The following HSF2BP variants were observed in gnomAD, a reference collection of about 807,000 sequenced individuals.
HSF2BP encodes the protein heat shock transcription factor 2 binding protein, also known as heat shock factor 2-binding protein.
HSF2BP carries 35 observed loss-of-function variants against 35.0 expected under a neutral mutation model. The observed-to-expected ratio is 1.00, with a 90% CI of 0.76 to 1.32. The LOEUF is 1.32. Among genes scored for constraint, HSF2BP ranks in the 40% most tolerant of loss-of-function variants. The pLI, the probability that HSF2BP is intolerant of heterozygous loss-of-function variation, is 0.00. For synonymous variants in HSF2BP, 114 were observed against 117.4 expected (o/e 0.97, Z 0.18); for missense variants, 326 against 321.7 (o/e 1.01, Z -0.10).
intron 6 of HSF2BP, among the ~76,000 whole-genome samples, chr21:43,615,804 T>C (rs1207946122): frequency 6.6e-6 from 1 of 152,096 alleles, no homozygotes; most frequent in Non-Finnish European, 1.5e-5. Flanking sequence ...CAGAAACACA[T>C]AAAAGATAGC....
chr21:43,578,885 G>A lies in HSF2BP; in HGVS notation c.796+13340C>T, dbSNP rs952616891. ...GGGCACTCTGGCTTAGGAGGGGCAT[G>A]AGCCAGAAGAGAAGACTAGTTGTGT... On this transcript the variant is annotated intron_variant, in intron 8 of 8. Transcript: ENST00000291560. 5.9e-5 allele frequency among the ~76,000 whole-genome samples: 9 copies of A among 152,336 alleles called. 1 individual carries two copies. The South Asian group carries it at 1.9e-3, about 32-fold the overall frequency.
chr21:43,614,289 G>A (rs953476274), intron 6 of HSF2BP, among the ~76,000 whole-genome samples: 1 of 151,700 alleles, frequency 6.6e-6, no homozygotes, highest in Non-Finnish European at 1.5e-5. Context: ...CTTGAGCCTA[G>A]GAGGTAGAGG....
At chr21:43,585,449 G>A (rs2146746118) in intron 8 of HSF2BP, among the ~76,000 whole-genome samples, 1 of 152,266 alleles carries the variant, frequency 6.6e-6, no homozygotes, top group East Asian at 1.9e-4. Flanking sequence ...GAGACCTATA[G>A]GAAGCTCTCA....
At chr21:43,612,293 A>G in intron 7 of HSF2BP, among the ~76,000 whole-genome samples, 1 of 152,182 alleles carries the variant, frequency 6.6e-6, no homozygotes, top group Non-Finnish European at 1.5e-5. Flanking sequence ...ATCAAGAGAC[A>G]CCGAGGCCAG....
chr21:43,651,103 AGCT>A (rs2082779736), intron 3 of HSF2BP, among the ~76,000 whole-genome samples: 1 of 152,202 alleles, frequency 6.6e-6, no homozygotes, highest in Admixed American at 6.5e-5. Flanking sequence ...CCAGAAGCTA[AGCT>A]GCTGGGCTGT....
intron 8 of HSF2BP, among the ~76,000 whole-genome samples, chr21:43,582,442 C>T (rs1249650265): frequency 6.9e-6 from 1 of 145,950 alleles, no homozygotes; most frequent in African/African-American, 2.6e-5. Context: ...AGATGAGTAC[C>T]TGTTGAGGGA....
chr21:43,597,483 A>T lies in HSF2BP; in HGVS notation c.693-5155T>A, dbSNP rs1299829726. Among the ~76,000 whole-genome samples, 1 of 152,212 alleles carries T rather than the reference A, an allele frequency of 6.6e-6. No homozygotes were observed. Among genetic ancestry groups the T allele is most frequent in the Non-Finnish European group, 1.5e-5 (1 of 68,042 alleles). ...AAAATGTAATGCAATATTTTAAAAAAATATATTAAAAATGCCCTAATAAGC... is the reference window on the plus strand; with the variant it reads ...AAAATGTAATGCAATATTTTAAAAATATATATTAAAAATGCCCTAATAAGC... On this transcript the variant is annotated intron_variant, in intron 7 of 8. Transcript: ENST00000291560. This position sits in a 1 kb window ranked among gnomAD's most constrained non-coding sequence, Gnocchi z 4.3.
At chr21:43,467,554 G>A in the HSF2BP span, among the ~76,000 whole-genome samples, 2 of 146,884 alleles carry the variant, frequency 1.4e-5, no homozygotes, top group Non-Finnish European at 1.5e-5. Flanking sequence ...TTTCAGGGCT[G>A]AAGCCCAGAC....
intron 3 of HSF2BP, among the ~76,000 whole-genome samples, chr21:43,648,525 A>G (rs1393514127): frequency 6.6e-6 from 1 of 152,118 alleles, no homozygotes; most frequent in Non-Finnish European, 1.5e-5. Context: ...TGGTTCCCCC[A>G]ACCCTGATCA....
intron 2 of HSF2BP, 128 bp downstream of exon 2, chr21:43,657,929 GGGGA>G: frequency 1.3e-6 from 2 of 1,490,090 alleles, no homozygotes; most frequent in Non-Finnish European, 1.8e-6. Flanking sequence ...CACGCCGTTA[GGGGA>G]GGAAGTCTCC....
Position 43,613,905 on chromosome 21 carries a change from G to T in HSF2BP, c.617C>A (p.Ser206Ter), listed in dbSNP as rs1277986299. ...IACGREFLVN[S>*]SRVLLDTILQ... ...TATGGTGTCCAAGAGCACCCGGCTTGAATTAACCAAGAATTCACGACCACA... is the reference window on the plus strand; with the variant it reads ...TATGGTGTCCAAGAGCACCCGGCTTTAATTAACCAAGAATTCACGACCACA... Residue 206 changes from serine to a stop codon, truncating the protein, a stop_gained, in exon 7 of 9, where the codon TCA (serine) becomes TAA (stop). Transcript: ENST00000291560. LOFTEE classifies it high-confidence loss of function. The T allele has an allele frequency of 6.2e-7, 1 of 1,610,170 alleles. No individual in the cohort carries two copies. Among genetic ancestry groups the T allele is most frequent in the Non-Finnish European group, 8.5e-7 (1 of 1,179,194 alleles).
At position 43,597,397 on chromosome 21, in the gene HSF2BP, G is replaced by C. The variant is rs1350618800; in HGVS notation, c.693-5069C>G. Among the ~76,000 whole-genome samples the C allele has an allele frequency of 1.3e-5, 2 of 152,184 alleles. No individual in the cohort carries two copies. Among genetic ancestry groups the C allele is most frequent in the African/African-American group, 4.8e-5 (2 of 41,440 alleles). ...CAGCCGGCTAGGATGAGGAGAGTAAGCCACTTGCTTTGGGTGTAAATTTAA... is the reference window on the plus strand; with the variant it reads ...CAGCCGGCTAGGATGAGGAGAGTAACCCACTTGCTTTGGGTGTAAATTTAA... On this transcript the variant is annotated intron_variant, in intron 7 of 8. Coordinates refer to ENST00000291560, the MANE Select transcript of HSF2BP (RefSeq NM_007031.2). The surrounding 1 kb of genome is among the most constrained non-coding windows in gnomAD (Gnocchi z 4.3).
Position 43,579,916 on chromosome 21 carries a change from A to G in HSF2BP, c.796+12309T>C, listed in dbSNP as rs369717447. Among the ~76,000 whole-genome samples, 4 of 152,154 alleles carry G rather than the reference A, an allele frequency of 2.6e-5. No individual in the cohort carries two copies. The East Asian group carries it at 7.7e-4, about 29-fold the overall frequency. ...AGACAGGAACAGTGTTTATATCTCT[A>G]TTTTGTGGATGACAGAATATCATGG... On this transcript the variant is annotated intron_variant, in intron 8 of 8. Transcript: ENST00000291560.
At chr21:43,584,697 T>C (rs1444463763) in intron 8 of HSF2BP, among the ~76,000 whole-genome samples, 1 of 152,172 alleles carries the variant, frequency 6.6e-6, no homozygotes, top group Non-Finnish European at 1.5e-5. Context: ...GAAGAGATTT[T>C]CCCCCCACTA....
chr21:43,637,486 AAAATAAATAAAT>A (rs149222641), intron 4 of HSF2BP, among the ~76,000 whole-genome samples: 5 of 149,446 alleles, frequency 3.3e-5, no homozygotes, highest in African/African-American at 9.9e-5. Flanking sequence ...AGTAATTATA[AAAATAAATAAAT>A]AAATAAATAA....
chr21:43,620,648 T>G (rs1327404933), intron 6 of HSF2BP, among the ~76,000 whole-genome samples: 3 of 152,146 alleles, frequency 2.0e-5, no homozygotes, highest in Non-Finnish European at 1.5e-5. Context: ...TGAGCTAGAA[T>G]TGTACCACCA....
chr21:43,589,338 T>A (rs1073522), intron 8 of HSF2BP, among the ~76,000 whole-genome samples: 102,056 of 152,032 alleles, frequency 0.67, 34,772 homozygotes, highest in East Asian at 0.79. Flanking sequence ...GAAACAGGAG[T>A]GACCCTTGTG....
At chr21:43,599,599 G>C (rs2082026973) in intron 7 of HSF2BP, among the ~76,000 whole-genome samples, 1 of 152,056 alleles carries the variant, frequency 6.6e-6, no homozygotes, top group Admixed American at 6.6e-5. Context: ...TTCGAGACCA[G>C]CCTGGCCAAC....
chr21:43,646,527 G>C (rs916178876), intron 3 of HSF2BP, among the ~76,000 whole-genome samples: 8 of 151,990 alleles, frequency 5.3e-5, no homozygotes, highest in Non-Finnish European at 1.2e-4. Flanking sequence ...ACTATTAAAC[G>C]GTATATTACT....
Sources: allele counts gnomAD v4.1 joint callset (sites outside exome capture counted in the v4.1 genomes callset), GRCh38; gene constraint gnomAD v4.1.1; non-coding constraint Gnocchi (gnomAD v3.1); transcripts MANE v1.5; gene names NCBI Gene and HGNC (gene_info 2026-07-23, HGNC 2026-07-21).